The following MUC22 variants were observed in gnomAD, a reference collection of about 807,000 sequenced individuals.
MUC22 encodes the protein mucin-22.
MUC22 carries 24 observed loss-of-function variants against 40.3 expected under a neutral mutation model. That is an observed-to-expected ratio of 0.60 (90% CI 0.43 to 0.84). The LOEUF (loss-of-function observed/expected upper bound fraction) is 0.84. Among genes scored for constraint, MUC22 ranks in the 40% least tolerant of loss-of-function variants. The probability of loss-of-function intolerance (pLI) is 0.00; values close to 1 mark genes in which losing one functional copy is unlikely to be tolerated. For synonymous variants in MUC22, 765 were observed against 844.5 expected (o/e 0.91, Z 1.63); for missense variants, 1,926 against 2,130.7 (o/e 0.90, Z 1.89).
chr6:31,028,383 C>A, exon 2 of MUC22: 1 of 1,508,136 alleles, frequency 6.6e-7, no homozygotes, highest in South Asian at 1.3e-5. Flanking sequence ...GCTCTGAGAC[C>A]ACCACAGCCT....
At chr6:31,028,532 C>T (rs994063731) in exon 2 of MUC22, 33 of 1,532,932 alleles carry the variant, frequency 2.2e-5, no homozygotes, top group Non-Finnish European at 2.9e-5. Context: ...GGCTCTGAGA[C>T]CACTATGGCC....
At chr6:31,012,662 G>A (rs1393828615) in intron 1 of MUC22, among the ~76,000 whole-genome samples, 1 of 152,140 alleles carries the variant, frequency 6.6e-6, no homozygotes, top group African/African-American at 2.4e-5. Flanking sequence ...GGGAGCAAGT[G>A]TGCAAGGGCT....
At position 31,027,112 on chromosome 6, in the gene MUC22, A is replaced by G. The variant is rs566731348; in HGVS notation, c.1681A>G (p.Ile561Val). Residue 561 changes from isoleucine (I) to valine (V), a missense_variant, in exon 2 of 4, where the codon ATA becomes GTA. Physicochemically the swap from Ile to Val is conservative, Grantham distance 29 (BLOSUM62 3). Around this residue, in one of 3 missense-constraint regions of MUC22, gnomAD observed 1,281 missense variants for 1,337.8 expected, o/e 0.96. Transcript: ENST00000561890. ...CTCTGAGACCACTATGGCCTCTACCATAGGCCCTGAGACCACCAAGGTCTC... is the reference window on the plus strand; with the variant it reads ...CTCTGAGACCACTATGGCCTCTACCGTAGGCCCTGAGACCACCAAGGTCTC... 6.0e-5 allele frequency: 88 copies of G among 1,471,976 alleles called. 12 individuals carry two copies. The South Asian group carries it at 1.1e-3, about 18-fold the overall frequency. 91.2% of individuals were successfully genotyped at this position (1,471,976 alleles called of 1,614,324 possible).
intron 1 of MUC22, among the ~76,000 whole-genome samples, chr6:31,017,061 C>T (rs1372434253): frequency 6.6e-6 from 1 of 152,224 alleles, no homozygotes; most frequent in Non-Finnish European, 1.5e-5. Flanking sequence ...ACCTGCAGCC[C>T]GCCATGCCTG....
At chr6:31,016,867 C>CG (rs1006894841) in intron 1 of MUC22, among the ~76,000 whole-genome samples, 8 of 152,160 alleles carry the variant, frequency 5.3e-5, no homozygotes, top group Non-Finnish European at 8.8e-5. Flanking sequence ...GGCGTGGCCT[C>CG]GGGGGGCCCC....
Position 31,028,184 on chromosome 6 carries a change from C to T in MUC22, c.2753C>T (p.Thr918Ile). The stretch of plus-strand genomic sequence containing the variant: ...ACCACAGGCTCTGAGAGGACCATCA[C>T]CTCTACTGAAGGCTCTGAGACCACT... Residue 918 changes from threonine (T) to isoleucine (I), a missense_variant, in exon 2 of 4, where the codon ACC becomes ATC. By Grantham distance (89) the Thr-to-Ile change is moderately conservative (BLOSUM62 -1). Coordinates refer to ENST00000561890, the Ensembl canonical transcript of MUC22. The T allele has an allele frequency of 6.5e-7, 1 of 1,534,026 alleles. No homozygotes were observed. The highest frequency in any genetic ancestry group is 1.4e-5 in the African/African-American group (1 of 72,568).
At chr6:31,015,190 G>C (rs1764107992) in intron 1 of MUC22, among the ~76,000 whole-genome samples, 1 of 152,138 alleles carries the variant, frequency 6.6e-6, no homozygotes, top group Non-Finnish European at 1.5e-5. Flanking sequence ...GAGGAGCTAT[G>C]GCTCTGGAAT....
Position 31,022,533 on chromosome 6 carries a change from G to A in MUC22, c.71-2969G>A, listed in dbSNP as rs190302189. Among the ~76,000 whole-genome samples, 228 of 151,012 alleles carry A rather than the reference G, an allele frequency of 1.5e-3. 1 individual carries two copies. The highest frequency in any genetic ancestry group is 5.2e-3 in the African/African-American group (214 of 40,960). ...ATGCAAAAAAGAATGAAGTGTGCTG[G>A]AAATGATAAATATATGGGTAAAAAT... On this transcript the variant is annotated intron_variant, in intron 1 of 3. Coordinates refer to ENST00000561890, the Ensembl canonical transcript of MUC22.
chr6:31,029,216 G>C (rs1444669608), exon 2 of MUC22: 7 of 1,535,064 alleles, frequency 4.6e-6, no homozygotes, highest in Non-Finnish European at 6.1e-6. Context: ...TCCTCCACAG[G>C]CTCTGAGACC....
At chr6:31,010,240 C>A (rs1763770301), upstream of MUC22, among the ~76,000 whole-genome samples, 1 of 152,176 alleles carries the variant, frequency 6.6e-6, no homozygotes, top group African/African-American at 2.4e-5. Context: ...CCCTTCCACT[C>A]CGACAAGTTT....
In MUC22 at chr6:31,011,321, C is replaced by T. The variant is rs9378113; in HGVS notation, c.70+545C>T. Among the ~76,000 whole-genome samples, 17,113 of 152,042 alleles carry T rather than the reference C, an allele frequency of 0.11. 1,241 individuals carry two copies. Among genetic ancestry groups the T allele is most frequent in the East Asian group, 0.33 (1,676 of 5,152 alleles). ...GCAGTGTACACCGCACCCACCCTAT[C>T]TGTAGTCTTTTATCTCTCGTGCCTC... is the stretch of plus-strand genomic sequence containing the variant. On this transcript the variant is annotated intron_variant, in intron 1 of 3. Coordinates refer to ENST00000561890, the Ensembl canonical transcript of MUC22. The surrounding 1 kb of genome is among the most constrained non-coding windows in gnomAD (Gnocchi z 4.5).
At position 31,032,124 on chromosome 6, in the gene MUC22, G is replaced by C. The variant is rs533796638; in HGVS notation, c.4670-72G>C. On this transcript the variant is annotated intron_variant, in intron 2 of 3. Transcript: ENST00000561890. This position sits in a 1 kb window ranked among gnomAD's most constrained non-coding sequence, Gnocchi z 4.1. ...AGGTTTGTTAGATTCACCCTCCTCT[G>C]GTCTAAGCACCCCCATTCCCCTTTA... 1.4e-6 allele frequency: 2 copies of C among 1,461,758 alleles called. No individual in the cohort carries two copies. Among genetic ancestry groups the C allele is most frequent in the South Asian group, 2.8e-5 (2 of 72,596 alleles). The allele number at this position is 1,461,758 out of a possible 1,614,324, so 90.5% of individuals were successfully genotyped here.
chr6:31,028,480 G>C, exon 2 of MUC22: 1 of 1,534,172 alleles, frequency 6.5e-7, no homozygotes, highest in Non-Finnish European at 8.7e-7. Context: ...GACCACCACA[G>C]CCTCTACTAC....
At position 31,011,583 on chromosome 6, in the gene MUC22, C is replaced by T. The variant is rs1763871707; in HGVS notation, c.70+807C>T. ...GTATATATATGCCAGTTTCTTTATCCACCGTTGATTGATGGGCATTTGGGT... is the reference window on the plus strand; with the variant it reads ...GTATATATATGCCAGTTTCTTTATCTACCGTTGATTGATGGGCATTTGGGT... On this transcript the variant is annotated intron_variant, in intron 1 of 3. Coordinates refer to ENST00000561890, the Ensembl canonical transcript of MUC22. The surrounding 1 kb of genome is among the most constrained non-coding windows in gnomAD (Gnocchi z 4.5). Among the ~76,000 whole-genome samples the T allele has an allele frequency of 6.6e-6, 1 of 152,084 alleles. No homozygotes were observed. The highest frequency in any genetic ancestry group is 6.6e-5 in the Admixed American group (1 of 15,258).
chr6:31,012,172 C>G, intron 1 of MUC22, among the ~76,000 whole-genome samples: 1 of 152,212 alleles, frequency 6.6e-6, no homozygotes, highest in Non-Finnish European at 1.5e-5. Context: ...TAGGATGGCT[C>G]GTCAAGAAGT....
At chr6:31,031,238 A>G (rs79027726) in intron 2 of MUC22, among the ~76,000 whole-genome samples, 17,337 of 152,128 alleles carry the variant, frequency 0.11, 1,150 homozygotes, top group Middle Eastern at 0.17. Flanking sequence ...GTCTGAGCCC[A>G]CCCTCTCCTA....
At chr6:31,025,420 G>C (rs1463873614) in intron 1 of MUC22, 82 bp from the exon 2 acceptor site, 1 of 1,366,168 alleles carries the variant, frequency 7.3e-7, no homozygotes, top group Non-Finnish European at 9.7e-7. Flanking sequence ...GAAGTACTGA[G>C]TATATGTGAA....
In MUC22 at chr6:31,011,271, G is replaced by A. The variant is rs57414423; in HGVS notation, c.70+495G>A. ...TGTAAGTGCTTTATTGGTGAATTGT[G>A]AGACTTTGGTGCACCCGTCACCAAG... On this transcript the variant is annotated intron_variant, in intron 1 of 3. Transcript: ENST00000561890. This position sits in a 1 kb window ranked among gnomAD's most constrained non-coding sequence, Gnocchi z 4.5. Among the ~76,000 whole-genome samples, 2 of 151,554 alleles carry A rather than the reference G, an allele frequency of 1.3e-5. No individual in the cohort carries two copies. The highest frequency in any genetic ancestry group is 1.3e-4 in the Admixed American group (2 of 15,244).
At chr6:31,030,723 C>T (rs751351650) in intron 2 of MUC22, among the ~76,000 whole-genome samples, 5 of 152,180 alleles carry the variant, frequency 3.3e-5, no homozygotes, top group Non-Finnish European at 5.9e-5. Flanking sequence ...GCTCCCACTT[C>T]GGTGCCAAGT....
Sources: allele counts gnomAD v4.1 joint callset (sites outside exome capture counted in the v4.1 genomes callset), GRCh38; gene constraint gnomAD v4.1.1; regional missense constraint gnomAD v4.1.1; non-coding constraint Gnocchi (gnomAD v3.1); transcripts MANE v1.5; gene names NCBI Gene and HGNC (gene_info 2026-07-23, HGNC 2026-07-21).